CDH18: variants seen among roughly 807,000 people sequenced by gnomAD.
CDH18 encodes the protein cadherin 18.
CDH18 carries 31 observed loss-of-function variants against 67.9 expected under a neutral mutation model. That is an observed-to-expected ratio of 0.46 (90% CI 0.34 to 0.62). CDH18 has a LOEUF of 0.62. CDH18 is among the 20% of genes least tolerant of loss of function. The probability of loss-of-function intolerance (pLI) is 0.01; values close to 1 mark genes in which losing one functional copy is unlikely to be tolerated. For synonymous variants in CDH18, 362 were observed against 347.2 expected (o/e 1.04, Z -0.48); for missense variants, 890 against 975.5 (o/e 0.91, Z 1.17).
At chr5:19,952,435 T>C (rs1231668936) in intron 2 of CDH18, among the ~76,000 whole-genome samples, 2 of 152,316 alleles carry the variant, frequency 1.3e-5, no homozygotes, top group South Asian at 2.1e-4. Context: ...TCCAAGAGTC[T>C]GGTTAACTGA....
intron 11 of CDH18, 66 bp downstream of exon 11, chr5:19,502,926 A>G: frequency 1.1e-6 from 1 of 908,894 alleles, no homozygotes. Context: ...ATAAGAATAA[A>G]GCCTATTACA....
chr5:19,692,833 A>G (rs1762071905), intron 5 of CDH18, among the ~76,000 whole-genome samples: 2 of 146,184 alleles, frequency 1.4e-5, no homozygotes, highest in African/African-American at 2.6e-5. Context: ...AATTTCCCAG[A>G]AAAAAAAAAC....
intron 2 of CDH18, among the ~76,000 whole-genome samples, chr5:19,865,506 G>A (rs770824749): frequency 3.3e-5 from 5 of 152,038 alleles, no homozygotes; most frequent in South Asian, 2.1e-4. Context: ...AGGTGGGGGC[G>A]GTGGAGGAGT....
chr5:19,685,041 C>G (rs1760880869), intron 5 of CDH18, among the ~76,000 whole-genome samples: 1 of 152,126 alleles, frequency 6.6e-6, no homozygotes, highest in African/African-American at 2.4e-5. Flanking sequence ...CCTGAAACAA[C>G]TGATGGGATT....
intron 1 of CDH18, among the ~76,000 whole-genome samples, chr5:20,479,785 A>T (rs561388064): frequency 6.6e-6 from 1 of 152,186 alleles, no homozygotes; most frequent in East Asian, 1.9e-4. Context: ...ATTCAAGTAT[A>T]GGAGGGTTCC....
chr5:19,600,752 A>G (rs1561442585), intron 6 of CDH18, among the ~76,000 whole-genome samples: 1 of 152,088 alleles, frequency 6.6e-6, no homozygotes, highest in Non-Finnish European at 1.5e-5. Context: ...GATATGTAGT[A>G]TTTTAATGCC....
intron 1 of CDH18, among the ~76,000 whole-genome samples, chr5:20,504,189 C>T (rs1754516226): frequency 6.6e-6 from 1 of 152,054 alleles, no homozygotes; most frequent in Admixed American, 6.6e-5. Flanking sequence ...TAGTGAGACG[C>T]TAAGTCTAAG....
chr5:20,452,058 A>G (rs1371672794), intron 1 of CDH18, among the ~76,000 whole-genome samples: 2 of 152,224 alleles, frequency 1.3e-5, no homozygotes, highest in Non-Finnish European at 2.9e-5. Flanking sequence ...GACACAGATA[A>G]TAAGCATAAA....
chr5:19,685,841 A>AG (rs1035165974), intron 5 of CDH18, among the ~76,000 whole-genome samples: 1 of 152,190 alleles, frequency 6.6e-6, no homozygotes, highest in African/African-American at 2.4e-5. Context: ...CAATGGAAGC[A>AG]GGAGAGGTGG....
chr5:20,083,534 T>C (rs1401112075), intron 2 of CDH18, among the ~76,000 whole-genome samples: 1 of 152,176 alleles, frequency 6.6e-6, no homozygotes, highest in African/African-American at 2.4e-5. Flanking sequence ...TTCCAACTGC[T>C]CCACAGACTG....
chr5:19,517,871 T>A (rs1303546159), intron 10 of CDH18, among the ~76,000 whole-genome samples: 1 of 152,068 alleles, frequency 6.6e-6, no homozygotes, highest in African/African-American at 2.4e-5. Flanking sequence ...AACATGGATT[T>A]TTTTATTCTG....
chr5:20,240,741 G>C (rs1021978618), intron 2 of CDH18, among the ~76,000 whole-genome samples: 1 of 152,184 alleles, frequency 6.6e-6, no homozygotes, highest in African/African-American at 2.4e-5. Context: ...TCTACCCAGT[G>C]AGCACTGAGG....
chr5:20,420,630 ATAAGGTCTTTTG>A (rs1412696436), intron 1 of CDH18, among the ~76,000 whole-genome samples: 1 of 151,164 alleles, frequency 6.6e-6, no homozygotes, highest in Admixed American at 6.6e-5. Flanking sequence ...AAAGACATAA[ATAAGGTCTTTTG>A]TATTTTGCCC....
At chr5:19,646,189 T>C (rs910668975) in intron 5 of CDH18, among the ~76,000 whole-genome samples, 2 of 152,280 alleles carry the variant, frequency 1.3e-5, no homozygotes, top group African/African-American at 4.8e-5. Context: ...ATGTCAGGAA[T>C]GGCTTGTTTG....
intron 5 of CDH18, among the ~76,000 whole-genome samples, chr5:19,694,156 C>A (rs116627846): frequency 6.6e-6 from 1 of 152,090 alleles, no homozygotes. Flanking sequence ...GGTCTAATTT[C>A]GTCAATAGTG....
intron 2 of CDH18, among the ~76,000 whole-genome samples, chr5:20,187,208 G>C (rs1738169488): frequency 6.6e-6 from 1 of 151,828 alleles, no homozygotes; most frequent in South Asian, 2.1e-4. Flanking sequence ...TGGTGATGGA[G>C]ATTGGTGATA....
At chr5:19,771,441 G>C (rs1773719232) in intron 3 of CDH18, among the ~76,000 whole-genome samples, 1 of 152,172 alleles carries the variant, frequency 6.6e-6, no homozygotes, top group East Asian at 1.9e-4. Flanking sequence ...GATGACTCCA[G>C]TCCACAGCCA....
At chr5:20,098,148 T>C (rs1467814772) in intron 2 of CDH18, among the ~76,000 whole-genome samples, 5 of 152,044 alleles carry the variant, frequency 3.3e-5, no homozygotes, top group African/African-American at 4.8e-5. Flanking sequence ...TCAAATAAAG[T>C]AGAATTAATG....
chr5:19,527,896 C>T (rs1747991857), intron 9 of CDH18, among the ~76,000 whole-genome samples: 1 of 151,638 alleles, frequency 6.6e-6, no homozygotes, highest in East Asian at 1.9e-4. Context: ...TTATATATAT[C>T]ATTAATATTA....
Sources: gnomAD v4.1 joint callset for allele counts (sites outside exome capture counted in the v4.1 genomes callset) on GRCh38, gnomAD v4.1.1 for gene constraint, MANE v1.5 for transcripts, NCBI Gene and HGNC (gene_info 2026-07-23, HGNC 2026-07-21) for gene names.